Variants in CTNNA2 observed in about 807,000 individuals in gnomAD.
CTNNA2 encodes catenin alpha 2.
A neutral mutation model predicts 101.0 loss-of-function variants in CTNNA2; 42 were observed. The ratio of observed to expected loss-of-function variants is 0.42; its 90% confidence interval spans 0.32 to 0.54. The LOEUF is 0.54. Among genes scored for constraint, CTNNA2 ranks in the 20% least tolerant of loss-of-function variants. The pLI, the probability that CTNNA2 is intolerant of heterozygous loss-of-function variation, is 0.14. For missense variants in CTNNA2, 871 were observed against 1,223.1 expected (o/e 0.71, Z 4.29); for synonymous variants, 450 against 456.4 (o/e 0.99, Z 0.18).
intron 12 of CTNNA2, among the ~76,000 whole-genome samples, chr2:80,569,355 C>A (rs989184169): frequency 6.6e-6 from 1 of 152,162 alleles, no homozygotes; most frequent in African/African-American, 2.4e-5. Context: ...AAAAGTTTAT[C>A]TCTGAATTTG....
Position 80,549,621 on chromosome 2 carries a change from A to G in CTNNA2, c.1540+3558A>G, listed in dbSNP as rs1294558465. On this transcript the variant is annotated intron_variant, in intron 11 of 18. Transcript: ENST00000402739. The stretch of plus-strand genomic sequence containing the variant: ...ACATTGCAGTTTTTCACAGCAATGG[A>G]ATAATCTCTAGGATACTTTTGCCTT... Among the ~76,000 whole-genome samples, 5 of 152,220 alleles carry G rather than the reference A, an allele frequency of 3.3e-5. No individual in the cohort carries two copies. The East Asian group carries it at 9.6e-4, about 29-fold the overall frequency.
At chr2:80,635,345 A>G (rs1672766933) in intron 18 of CTNNA2, among the ~76,000 whole-genome samples, 1 of 152,186 alleles carries the variant, frequency 6.6e-6, no homozygotes, top group Non-Finnish European at 1.5e-5. Flanking sequence ...CCATGGATCG[A>G]CTGCTCAAAT....
chr2:79,722,307 G>A (rs1047305853), intron 2 of CTNNA2, among the ~76,000 whole-genome samples: 1 of 152,128 alleles, frequency 6.6e-6, no homozygotes, highest in African/African-American at 2.4e-5. Flanking sequence ...AGTGTGAGGG[G>A]GTGAAATGGG....
At chr2:79,245,877 A>G (rs1016153770) in intron 2 of CTNNA2, among the ~76,000 whole-genome samples, 2 of 152,186 alleles carry the variant, frequency 1.3e-5, no homozygotes, top group Admixed American at 1.3e-4. Flanking sequence ...GTCAGGGATG[A>G]CAGGGACCTC....
At chr2:80,559,891 T>TATATATATATATATATATATACACACAC (rs1553387588) in intron 12 of CTNNA2, among the ~76,000 whole-genome samples, 1 of 146,816 alleles carries the variant, frequency 6.8e-6, no homozygotes, top group African/African-American at 2.6e-5. Context: ...TATATATATA[T>TATATATATATATATATATATACACACAC]ACACACACAT....
intron 3 of CTNNA2, among the ~76,000 whole-genome samples, chr2:79,806,690 G>A (rs1371854921): frequency 4.0e-5 from 6 of 151,898 alleles, no homozygotes; most frequent in South Asian, 4.2e-4. Context: ...CTCTTCCTCC[G>A]AGCTGAGTTG....
intron 3 of CTNNA2, among the ~76,000 whole-genome samples, chr2:79,350,187 A>C (rs1223279836): frequency 1.3e-5 from 2 of 151,762 alleles, no homozygotes; most frequent in Non-Finnish European, 2.9e-5. Context: ...TTAAATAGAT[A>C]TATTGTGTAA....
chr2:79,967,563 G>A (rs1176845543), intron 7 of CTNNA2, among the ~76,000 whole-genome samples: 1 of 152,122 alleles, frequency 6.6e-6, no homozygotes, highest in East Asian at 1.9e-4. Context: ...TTCTGTTTGA[G>A]CCTTCTCGAA....
chr2:79,953,279 T>G (rs1689009739), intron 7 of CTNNA2, among the ~76,000 whole-genome samples: 1 of 152,144 alleles, frequency 6.6e-6, no homozygotes, highest in African/African-American at 2.4e-5. Flanking sequence ...TCACTGTACC[T>G]TGGTTGGAAA....
intron 5 of CTNNA2, among the ~76,000 whole-genome samples, chr2:79,871,893 A>G (rs539784248): frequency 6.6e-6 from 1 of 152,352 alleles, no homozygotes; most frequent in South Asian, 2.1e-4. Context: ...TGATGTTCAT[A>G]TGAAAATGCC....
chr2:80,110,690 C>T (rs1352482900), intron 7 of CTNNA2, among the ~76,000 whole-genome samples: 1 of 152,146 alleles, frequency 6.6e-6, no homozygotes, highest in African/African-American at 2.4e-5. Flanking sequence ...TCAGGACTTA[C>T]CATCCAATCT....
chr2:80,460,771 G>A (rs1684358101), intron 9 of CTNNA2, among the ~76,000 whole-genome samples: 1 of 151,988 alleles, frequency 6.6e-6, no homozygotes, highest in Non-Finnish European at 1.5e-5. Flanking sequence ...TCCCATTCTA[G>A]ATAAATGGAG....
chr2:80,366,811 C>T (rs1378773828), intron 7 of CTNNA2, among the ~76,000 whole-genome samples: 1 of 152,080 alleles, frequency 6.6e-6, no homozygotes. Context: ...TGTGACACAG[C>T]CTTAGGAGGT....
intron 2 of CTNNA2, among the ~76,000 whole-genome samples, chr2:79,277,035 T>C (rs1023745123): frequency 6.6e-6 from 1 of 152,064 alleles, no homozygotes; most frequent in African/African-American, 2.4e-5. Flanking sequence ...TTTTTTGCTT[T>C]TGTGAAAATG....
intron 7 of CTNNA2, among the ~76,000 whole-genome samples, chr2:80,340,210 C>T (rs564606038): frequency 8.5e-5 from 13 of 152,274 alleles, no homozygotes; most frequent in Non-Finnish European, 1.2e-4. Flanking sequence ...AGCAGTCCTG[C>T]GGTTATGTCA....
intron 7 of CTNNA2, among the ~76,000 whole-genome samples, chr2:80,122,361 T>G (rs1701892430): frequency 6.7e-6 from 1 of 149,024 alleles, no homozygotes; most frequent in Non-Finnish European, 1.5e-5. Flanking sequence ...TCTCCCCCCT[T>G]CCTTTTTTGC....
intron 2 of CTNNA2, among the ~76,000 whole-genome samples, chr2:79,719,677 T>C (rs1434248142): frequency 6.6e-6 from 1 of 152,212 alleles, no homozygotes; most frequent in East Asian, 1.9e-4. Flanking sequence ...AATATGTTTG[T>C]TGGCTGCTTG....
chr2:79,469,011 G>C (rs1334502280), intron 4 of CTNNA2, among the ~76,000 whole-genome samples: 1 of 149,662 alleles, frequency 6.7e-6, no homozygotes, highest in South Asian at 2.1e-4. Context: ...CTAGCAGAAG[G>C]CAAGAAATAA....
intron 4 of CTNNA2, among the ~76,000 whole-genome samples, chr2:79,406,648 C>T (rs534272699): frequency 3.6e-4 from 55 of 152,054 alleles, no homozygotes; most frequent in Admixed American, 1.3e-3. Context: ...GGTGCTTATC[C>T]GTTGCATAGT....
Sources: gnomAD v4.1 joint callset for allele counts (sites outside exome capture counted in the v4.1 genomes callset) on GRCh38, gnomAD v4.1.1 for gene constraint, MANE v1.5 for transcripts, NCBI Gene and HGNC (gene_info 2026-07-23, HGNC 2026-07-21) for gene names.